Variants in CDKAL1 observed in about 807,000 individuals in gnomAD.
CDKAL1 encodes CDKAL1 threonylcarbamoyladenosine tRNA methylthiotransferase, also known as threonylcarbamoyladenosine tRNA methylthiotransferase.
CDKAL1 carries 32 observed loss-of-function variants against 68.2 expected under a neutral mutation model. The ratio of observed to expected loss-of-function variants is 0.47; its 90% CI spans 0.35 to 0.63. The LOEUF (loss-of-function observed/expected upper bound fraction) is 0.63. CDKAL1 is among the 30% of genes least tolerant of loss of function. The pLI, the probability that CDKAL1 is intolerant of heterozygous loss-of-function variation, is 0.00. For synonymous variants in CDKAL1, 234 were observed against 244.3 expected (o/e 0.96, Z 0.39); for missense variants, 606 against 696.7 (o/e 0.87, Z 1.47).
chr6:20,910,316 G>C (rs1241400125), intron 9 of CDKAL1, among the ~76,000 whole-genome samples: 1 of 152,214 alleles, frequency 6.6e-6, no homozygotes, highest in African/African-American at 2.4e-5. Flanking sequence ...CTGACCTTGA[G>C]AGCTCAGCGT....
intron 8 of CDKAL1, among the ~76,000 whole-genome samples, 156 bp downstream of exon 8, chr6:20,781,421 C>A: frequency 6.6e-6 from 1 of 151,996 alleles, no homozygotes. Flanking sequence ...TGAAATGTTT[C>A]CTGTATGTAA....
At chr6:20,905,573 T>A (rs1381872866) in intron 9 of CDKAL1, among the ~76,000 whole-genome samples, 3 of 152,138 alleles carry the variant, frequency 2.0e-5, no homozygotes. Flanking sequence ...AAGACATGAA[T>A]GTAAACATCC....
At chr6:20,593,896 C>T (rs945202015) in intron 4 of CDKAL1, among the ~76,000 whole-genome samples, 2 of 152,204 alleles carry the variant, frequency 1.3e-5, no homozygotes, top group Admixed American at 6.5e-5. Flanking sequence ...TCATTGGTTT[C>T]AAAGAACTTA....
intron 9 of CDKAL1, among the ~76,000 whole-genome samples, chr6:20,890,543 A>C (rs370064024): frequency 6.6e-6 from 1 of 152,240 alleles, no homozygotes; most frequent in African/African-American, 2.4e-5. Flanking sequence ...AATTTTATAC[A>C]ATCTGATGGA....
chr6:20,757,935 A>G (rs143320421), intron 6 of CDKAL1, among the ~76,000 whole-genome samples: 3 of 152,130 alleles, frequency 2.0e-5, no homozygotes, highest in Admixed American at 6.5e-5. Context: ...GGTTTCTCCA[A>G]TCATAATCCT....
chr6:20,631,169 AC>A lies in CDKAL1; in HGVS notation c.287-18123del, dbSNP rs544734887. Among the ~76,000 whole-genome samples the A allele has an allele frequency of 3.3e-3, 498 of 152,254 alleles. 2 individuals are homozygous for A. Among genetic ancestry groups the A allele is most frequent in the Non-Finnish European group, 4.4e-3 (302 of 68,024 alleles). ...TCTTTTGAAGTTCTGCCCACCTGTT[AC>A]GCCTCTGTGACATACTGCCACCTTC... is the stretch of plus-strand genomic sequence containing the variant. On this transcript the variant is annotated intron_variant, in intron 4 of 15. Coordinates refer to ENST00000274695, the MANE Select transcript of CDKAL1 (RefSeq NM_017774.3).
intron 10 of CDKAL1, among the ~76,000 whole-genome samples, chr6:20,959,550 T>TC (rs1211585609): frequency 6.8e-6 from 1 of 146,036 alleles, no homozygotes; most frequent in Non-Finnish European, 1.5e-5. Flanking sequence ...CTCTATATCT[T>TC]TTTTTTTTTT....
intron 5 of CDKAL1, chr6:20,723,536 G>A (rs1054204170): frequency 7.3e-5 from 12 of 164,934 alleles, no homozygotes; most frequent in Admixed American, 6.0e-4. Context: ...CTGGGAGTCC[G>A]GCAAAGGGGC....
intron 9 of CDKAL1, among the ~76,000 whole-genome samples, chr6:20,913,383 C>T (rs1156814334): frequency 6.6e-6 from 1 of 152,178 alleles, no homozygotes. Context: ...TTCAGCTCCT[C>T]ACTGGCTGCT....
intron 15 of CDKAL1, among the ~76,000 whole-genome samples, chr6:21,210,189 T>C (rs4712589): frequency 0.14 from 21,805 of 152,174 alleles, 1,638 homozygotes; most frequent in East Asian, 0.22. Context: ...ATACAGAAGT[T>C]GGAGATACCA....
At chr6:20,761,151 A>T (rs1774444828) in intron 7 of CDKAL1, among the ~76,000 whole-genome samples, 1 of 152,250 alleles carries the variant, frequency 6.6e-6, no homozygotes, top group African/African-American at 2.4e-5. Flanking sequence ...ATTAGCATAT[A>T]AAAAGGTGTT....
At chr6:20,796,428 TA>T (rs1776112538) in intron 8 of CDKAL1, among the ~76,000 whole-genome samples, 1 of 152,202 alleles carries the variant, frequency 6.6e-6, no homozygotes, top group South Asian at 2.1e-4. Flanking sequence ...TGTATAGATT[TA>T]AAGTAATTTG....
chr6:21,212,857 G>T (rs1482543570), intron 15 of CDKAL1, among the ~76,000 whole-genome samples: 1 of 152,090 alleles, frequency 6.6e-6, no homozygotes, highest in Non-Finnish European at 1.5e-5. Flanking sequence ...TTGAGAAACA[G>T]AAATTTTCAA....
At chr6:20,869,547 C>T (rs947775114) in intron 9 of CDKAL1, among the ~76,000 whole-genome samples, 1 of 151,828 alleles carries the variant, frequency 6.6e-6, no homozygotes, top group Non-Finnish European at 1.5e-5. Flanking sequence ...TGATGGTTGC[C>T]CAGCAGTATA....
chr6:21,012,009 G>T (rs888221277), intron 11 of CDKAL1, among the ~76,000 whole-genome samples: 1 of 152,162 alleles, frequency 6.6e-6, no homozygotes, highest in African/African-American at 2.4e-5. Context: ...ACTCTGTAAG[G>T]CTCCAGCATG....
At chr6:20,872,568 G>A (rs1344371314) in intron 9 of CDKAL1, among the ~76,000 whole-genome samples, 20 of 152,166 alleles carry the variant, frequency 1.3e-4, no homozygotes, top group Non-Finnish European at 1.5e-5. Context: ...AAATGGGCAT[G>A]CATATTTCAG....
chr6:20,882,218 C>T (rs1454106641), intron 9 of CDKAL1, among the ~76,000 whole-genome samples: 4 of 152,168 alleles, frequency 2.6e-5, no homozygotes, highest in Non-Finnish European at 5.9e-5. Flanking sequence ...AGGGGCATTC[C>T]TGTCTCCAAA....
chr6:21,089,027 A>G (rs1366663407), intron 12 of CDKAL1, among the ~76,000 whole-genome samples: 2 of 152,386 alleles, frequency 1.3e-5, no homozygotes, highest in South Asian at 2.1e-4. Context: ...GTCATGCACT[A>G]TGCAACTTTA....
chr6:21,227,676 G>A (rs1779802296), intron 15 of CDKAL1, among the ~76,000 whole-genome samples: 1 of 124,252 alleles, frequency 8.0e-6, no homozygotes, highest in African/African-American at 3.5e-5. Context: ...CAGGAGGAAA[G>A]CTCAGCACCA....
Sources: gnomAD v4.1 joint callset for allele counts (sites outside exome capture counted in the v4.1 genomes callset) on GRCh38, gnomAD v4.1.1 for gene constraint, MANE v1.5 for transcripts, NCBI Gene and HGNC (gene_info 2026-07-23, HGNC 2026-07-21) for gene names.